Variants in RFX7 observed in about 807,000 individuals in gnomAD.
RFX7 encodes regulatory factor X7, also known as DNA-binding protein RFX7.
In RFX7, 26 loss-of-function variants were observed where a neutral mutation model predicts 111.8. That is an observed-to-expected ratio of 0.23 (90% CI 0.17 to 0.32). The LOEUF (loss-of-function observed/expected upper bound fraction) is 0.32. Ranked by LOEUF, RFX7 falls within the 10% of genes least tolerant of loss-of-function variation. The probability of loss-of-function intolerance (pLI) is 1.00; values close to 1 mark genes in which losing one functional copy is unlikely to be tolerated. For synonymous variants in RFX7, 624 were observed against 624.4 expected, an observed-to-expected ratio of 1.00 and a Z score of 0.01; for missense variants, 1,573 against 1,772.9, an observed-to-expected ratio of 0.89 and a Z score of 2.02.
chr15:56,130,165 G>A (rs1377380741), intron 5 of RFX7, among the ~76,000 whole-genome samples: 1 of 152,084 alleles, frequency 6.6e-6, no homozygotes, highest in African/African-American at 2.4e-5. Context: ...GATGAGCAGT[G>A]TGTTAACAGA....
chr15:56,111,254 T>C (rs1223933356), intron 5 of RFX7, among the ~76,000 whole-genome samples: 4 of 150,218 alleles, frequency 2.7e-5, no homozygotes, highest in African/African-American at 9.8e-5. Context: ...TTGCCGTGTC[T>C]GTGTAGAAAG....
intron 2 of RFX7, among the ~76,000 whole-genome samples, chr15:56,200,855 A>G (rs149476426): frequency 6.6e-6 from 1 of 152,200 alleles, no homozygotes; most frequent in Non-Finnish European, 1.5e-5. Flanking sequence ...GAGAAAAACA[A>G]GAGGATAAAT....
At chr15:56,151,687 AG>A (rs751112732) in intron 3 of RFX7, among the ~76,000 whole-genome samples, 1 of 152,246 alleles carries the variant, frequency 6.6e-6, no homozygotes, top group Non-Finnish European at 1.5e-5. Context: ...TCATAACGAC[AG>A]GATCAAATTC....
At chr15:56,193,905 C>A (rs2043122722) in intron 2 of RFX7, among the ~76,000 whole-genome samples, 1 of 152,072 alleles carries the variant, frequency 6.6e-6, no homozygotes, top group Non-Finnish European at 1.5e-5. Context: ...ATTAAAAAAA[C>A]TTAGTCTAAT....
chr15:56,108,485 C>T (rs1012999857), intron 5 of RFX7, among the ~76,000 whole-genome samples: 1 of 151,878 alleles, frequency 6.6e-6, no homozygotes, highest in South Asian at 2.1e-4. Context: ...AAAAGGCCTT[C>T]GAAAAAATGC....
chr15:56,155,250 A>G (rs2042636887), intron 3 of RFX7, among the ~76,000 whole-genome samples: 1 of 152,208 alleles, frequency 6.6e-6, no homozygotes, highest in Non-Finnish European at 1.5e-5. Flanking sequence ...TGGAAATACC[A>G]TTTGACCCAC....
At chr15:56,120,291 T>C (rs1166307841) in intron 5 of RFX7, among the ~76,000 whole-genome samples, 1 of 152,234 alleles carries the variant, frequency 6.6e-6, no homozygotes, top group Admixed American at 6.5e-5. Context: ...TGATTTCTTT[T>C]TCAGATTGTT....
chr15:56,093,699 T>C lies in RFX7; in HGVS notation c.4029A>G (p.Gln1343=), dbSNP rs963166663. The change falls in exon 10 of 10, where the codon CAA becomes CAG. Residue 1343 remains glutamine (Q), a synonymous_variant. Coordinates refer to ENST00000559447, the MANE Select transcript of RFX7 (RefSeq NM_022841.7). ...CTTTAACAGTGCTATTGAAATCTAA[T>C]TGTTGCTCTCCAATTTCTGATTGTG... ...NQAQSEIGEQ[Q]LDFNSTVKDL... is the part of the protein sequence containing the mutation. 6.8e-6 allele frequency: 11 copies of C among 1,613,810 alleles called. No individual in the cohort carries two copies. The highest frequency in any genetic ancestry group is 5.5e-5 in the South Asian group (5 of 91,076).
chr15:56,168,500 T>C (rs969600118), intron 3 of RFX7, among the ~76,000 whole-genome samples: 1 of 152,200 alleles, frequency 6.6e-6, no homozygotes, highest in Non-Finnish European at 1.5e-5. Flanking sequence ...GGCGATAGCA[T>C]AGTACATGGT....
intron 2 of RFX7, among the ~76,000 whole-genome samples, chr15:56,207,866 C>T (rs72738662): frequency 0.13 from 19,792 of 152,124 alleles, 1,670 homozygotes; most frequent in East Asian, 0.43. Flanking sequence ...ACAAACCCCC[C>T]AAATGGGAAA....
At chr15:56,228,154 G>T (rs72738696) in intron 2 of RFX7, among the ~76,000 whole-genome samples, 1 of 151,622 alleles carries the variant, frequency 6.6e-6, no homozygotes, top group Admixed American at 6.6e-5. Flanking sequence ...ATTTTCTACA[G>T]GTTGAGTAAA....
At chr15:56,222,888 GT>G (rs2043441714) in intron 2 of RFX7, among the ~76,000 whole-genome samples, 1 of 152,072 alleles carries the variant, frequency 6.6e-6, no homozygotes, top group Admixed American at 6.5e-5. Context: ...TGGGTACTAT[GT>G]TGTGGAACAT....
chr15:56,163,758 C>T (rs1460269568), intron 3 of RFX7, among the ~76,000 whole-genome samples: 1 of 152,094 alleles, frequency 6.6e-6, no homozygotes, highest in Non-Finnish European at 1.5e-5. Context: ...ACTATTTTTG[C>T]TTTCTATTGG....
intron 5 of RFX7, among the ~76,000 whole-genome samples, chr15:56,133,206 TAAA>T (rs1325051604): frequency 1.3e-5 from 2 of 152,028 alleles, no homozygotes; most frequent in Admixed American, 6.6e-5. Context: ...TTTCAACAAA[TAAA>T]AAAGCTCAAA....
At position 56,091,300 on chromosome 15, in the gene RFX7, A is replaced by G. The variant is rs1227222966; in HGVS notation, c.*2045T>C. The G allele has an allele frequency of 1.3e-5, 2 of 152,538 alleles. No homozygotes were observed. Among genetic ancestry groups the G allele is most frequent in the Non-Finnish European group, 2.9e-5 (2 of 67,986 alleles). 9.4% of individuals were successfully genotyped at this position (152,538 alleles called of 1,614,324 possible). On this transcript the variant is annotated 3_prime_UTR_variant, in exon 10 of 10. Transcript: ENST00000559447. The stretch of plus-strand genomic sequence containing the variant: ...CACATTTAAAAAGTTTAATCTGTGG[A>G]CTGTATTGGTTGCATTTATCCTAAG...
chr15:56,149,330 C>T (rs1264721883), intron 3 of RFX7, among the ~76,000 whole-genome samples: 1 of 152,154 alleles, frequency 6.6e-6, no homozygotes, highest in East Asian at 1.9e-4. Flanking sequence ...ATTAGCCCAT[C>T]CTGATTAATA....
rs564127786 is a variant in RFX7 at position 56,213,520 on chromosome 15, A to G, written c.161+29605T>C. On this transcript the variant is annotated intron_variant, in intron 2 of 9. Coordinates refer to ENST00000559447, the MANE Select transcript of RFX7 (RefSeq NM_022841.7). ...TGGGGGAACAGATTAGTGACTGCCA[A>G]TAGTTGAGGGTGAAAGGTAAGAAGT... Among the ~76,000 whole-genome samples, 11 of 152,290 alleles carry G rather than the reference A, an allele frequency of 7.2e-5. No homozygotes were observed. The South Asian group carries it at 2.1e-3, about 29-fold the overall frequency.
At chr15:56,117,193 G>A (rs2042019663) in intron 5 of RFX7, among the ~76,000 whole-genome samples, 1 of 152,074 alleles carries the variant, frequency 6.6e-6, no homozygotes, top group African/African-American at 2.4e-5. Flanking sequence ...AAGTTACATA[G>A]AGTGCTGTAA....
intron 2 of RFX7, among the ~76,000 whole-genome samples, chr15:56,209,121 G>A (rs2043285487): frequency 6.6e-6 from 1 of 151,670 alleles, no homozygotes. Flanking sequence ...ACTATACTTA[G>A]GCATATAATT....
Sources: allele counts gnomAD v4.1 joint callset (sites outside exome capture counted in the v4.1 genomes callset), GRCh38; gene constraint gnomAD v4.1.1; transcripts MANE v1.5; gene names NCBI Gene and HGNC (gene_info 2026-07-23, HGNC 2026-07-21).